Variants in MAPK10 observed in about 807,000 individuals in gnomAD.
The protein encoded by MAPK10 is mitogen-activated protein kinase 10.
Under a neutral mutation model 59.3 loss-of-function variants are expected in MAPK10, and 25 were observed. The observed-to-expected ratio is 0.42, with a 90% CI of 0.31 to 0.59. The LOEUF is 0.59. Ranked by LOEUF, MAPK10 falls within the 20% of genes least tolerant of loss-of-function variation. The probability of loss-of-function intolerance (pLI) is 0.15; values close to 1 mark genes in which losing one functional copy is unlikely to be tolerated. For missense variants in MAPK10, 351 were observed against 568.9 expected, an observed-to-expected ratio of 0.62 and a Z score of 3.90; for synonymous variants, 190 against 200.5, an observed-to-expected ratio of 0.95 and a Z score of 0.44.
chr4:86,548,521 T>C (rs531316040), intron 1 of MAPK10, among the ~76,000 whole-genome samples: 40 of 151,996 alleles, frequency 2.6e-4, no homozygotes, highest in Non-Finnish European at 8.8e-5. Flanking sequence ...GGGCTGGAGG[T>C]GGGGTCTGGT....
intron 2 of MAPK10, among the ~76,000 whole-genome samples, chr4:86,269,773 C>T (rs1583807360): frequency 1.3e-5 from 2 of 152,088 alleles, no homozygotes; most frequent in South Asian, 4.1e-4. Flanking sequence ...AAACCTCATC[C>T]TAATACAAAA....
chr4:86,411,392 G>A (rs538405355), intron 1 of MAPK10, among the ~76,000 whole-genome samples: 2 of 152,314 alleles, frequency 1.3e-5, no homozygotes, highest in Non-Finnish European at 2.9e-5. Context: ...ATTTGGGGTG[G>A]AGAGTTGTGT....
intron 1 of MAPK10, among the ~76,000 whole-genome samples, chr4:86,482,336 G>A (rs987940273): frequency 1.1e-4 from 17 of 152,124 alleles, no homozygotes; most frequent in South Asian, 6.2e-4. Context: ...TAGTGTTACT[G>A]GATTTCATTT....
At chr4:86,520,616 T>C (rs1020215747) in intron 1 of MAPK10, among the ~76,000 whole-genome samples, 1 of 152,176 alleles carries the variant, frequency 6.6e-6, no homozygotes, top group Non-Finnish European at 1.5e-5. Flanking sequence ...TATCTGGCAA[T>C]TCAGAGATTT....
At chr4:86,216,294 G>GCC (rs2087568717) in intron 2 of MAPK10, among the ~76,000 whole-genome samples, 1 of 114,734 alleles carries the variant, frequency 8.7e-6, no homozygotes, top group African/African-American at 3.5e-5. Context: ...TATATATATA[G>GCC]CATATATATA....
At chr4:86,205,560 GA>G in intron 2 of MAPK10, among the ~76,000 whole-genome samples, 1 of 151,586 alleles carries the variant, frequency 6.6e-6, no homozygotes, top group East Asian at 1.9e-4. Context: ...ACACACAGGT[GA>G]AAAATTTTAA....
intron 1 of MAPK10, among the ~76,000 whole-genome samples, chr4:86,447,846 G>A (rs990030524): frequency 1.3e-5 from 2 of 152,090 alleles, no homozygotes; most frequent in Admixed American, 1.3e-4. Flanking sequence ...AATACATATA[G>A]AGTTAATTCT....
chr4:86,241,168 A>T (rs535058290), intron 2 of MAPK10, among the ~76,000 whole-genome samples: 1 of 152,224 alleles, frequency 6.6e-6, no homozygotes, highest in South Asian at 2.1e-4. Context: ...TTGGCCCCCA[A>T]TATCTTCTGG....
intron 1 of MAPK10, among the ~76,000 whole-genome samples, chr4:86,437,020 G>A (rs773847469): frequency 2.6e-5 from 4 of 151,986 alleles, no homozygotes; most frequent in African/African-American, 4.8e-5. Context: ...AGACCATCCT[G>A]GCTAACACGG....
At chr4:86,340,915 A>G (rs1192052390) in intron 2 of MAPK10, among the ~76,000 whole-genome samples, 2 of 152,188 alleles carry the variant, frequency 1.3e-5, no homozygotes, top group Non-Finnish European at 2.9e-5. Context: ...GGCATTTTCA[A>G]TAGTCATTTT....
At chr4:86,505,563 G>T (rs112406657) in intron 1 of MAPK10, among the ~76,000 whole-genome samples, 7,359 of 152,076 alleles carry the variant, frequency 0.048, 234 homozygotes, top group African/African-American at 0.061. Context: ...CTTCAGCCTG[G>T]GCAACAGAGT....
chr4:86,521,688 G>C (rs984188143), intron 1 of MAPK10, among the ~76,000 whole-genome samples: 10 of 152,036 alleles, frequency 6.6e-5, no homozygotes, highest in African/African-American at 2.4e-5. Context: ...GCAGCTGGTG[G>C]GCAGGGCTGA....
chr4:86,313,337 C>T (rs2095709367), intron 2 of MAPK10, among the ~76,000 whole-genome samples: 1 of 151,944 alleles, frequency 6.6e-6, no homozygotes. Context: ...AATATTTCTT[C>T]AAAAGAACAC....
At chr4:86,209,124 TTA>T (rs895794706) in intron 2 of MAPK10, among the ~76,000 whole-genome samples, 1 of 152,186 alleles carries the variant, frequency 6.6e-6, no homozygotes, top group Middle Eastern at 3.4e-3. Context: ...ATCGTGTTCA[TTA>T]TATCTCAGTT....
intron 1 of MAPK10, chr4:86,356,677 A>T (rs1734672626): frequency 6.6e-6 from 1 of 152,352 alleles, no homozygotes; most frequent in South Asian, 2.1e-4. Context: ...GGTTTCTGAA[A>T]AGATGGGCTC....
chr4:86,322,099 T>C (rs1578225250), intron 2 of MAPK10: 1 of 152,348 alleles, frequency 6.6e-6, no homozygotes, highest in East Asian at 1.9e-4. Context: ...TTAAATCATA[T>C]GTCTTAATCC....
At chr4:86,359,252 G>A (rs1735994825) in intron 1 of MAPK10, among the ~76,000 whole-genome samples, 1 of 54,898 alleles carries the variant, frequency 1.8e-5, no homozygotes, top group African/African-American at 4.8e-5. Context: ...GCTGTTTGGT[G>A]TTTTTTTTTT....
intron 1 of MAPK10, among the ~76,000 whole-genome samples, chr4:86,437,652 A>C (rs1193885042): frequency 6.6e-6 from 1 of 152,234 alleles, no homozygotes; most frequent in African/African-American, 2.4e-5. Flanking sequence ...ACAGCTGCTG[A>C]AAGTATAACC....
At chr4:86,460,413 G>A (rs2149060875) in intron 1 of MAPK10, among the ~76,000 whole-genome samples, 1 of 152,220 alleles carries the variant, frequency 6.6e-6, no homozygotes, top group Admixed American at 6.5e-5. Context: ...CAGAGGGAAG[G>A]GTAGAATGGT....
Sources: allele counts gnomAD v4.1 joint callset (sites outside exome capture counted in the v4.1 genomes callset), GRCh38; gene constraint gnomAD v4.1.1; transcripts MANE v1.5; gene names NCBI Gene and HGNC (gene_info 2026-07-23, HGNC 2026-07-21).